PAM: variants seen among roughly 807,000 people sequenced by gnomAD.
The protein encoded by PAM is peptidylglycine alpha-amidating monooxygenase, also known as peptidyl-glycine alpha-amidating monooxygenase.
Under a neutral mutation model 122.1 loss-of-function variants are expected in PAM, and 72 were observed. That is an observed-to-expected ratio of 0.59 (90% confidence interval 0.49 to 0.72). PAM has a LOEUF of 0.72. Among genes scored for constraint, PAM ranks in the 30% least tolerant of loss-of-function variants. The pLI is 0.00. For missense variants in PAM, 1,106 were observed against 1,183.7 expected (o/e 0.93, Z 0.96); for synonymous variants, 389 against 404.4 (o/e 0.96, Z 0.46).
intron 20 of PAM, 69 bp downstream of exon 20, chr5:103,007,726 T>G (rs1456788933): frequency 1.1e-6 from 1 of 946,092 alleles, no homozygotes; most frequent in Non-Finnish European, 1.6e-6. Context: ...TGTGTTATCT[T>G]AATGTGCTCT....
At chr5:102,937,291 T>A (rs1447133849) in intron 7 of PAM, among the ~76,000 whole-genome samples, 1 of 152,186 alleles carries the variant, frequency 6.6e-6, no homozygotes, top group African/African-American at 2.4e-5. Flanking sequence ...TTCCTTCATT[T>A]TTTTACATTT....
chr5:102,947,321 A>G (rs1757378395), intron 8 of PAM, among the ~76,000 whole-genome samples: 1 of 152,210 alleles, frequency 6.6e-6, no homozygotes, highest in Non-Finnish European at 1.5e-5. Context: ...GCATGCATGC[A>G]AGATGGAAGC....
chr5:102,952,522 T>C (rs1200680854), intron 12 of PAM, among the ~76,000 whole-genome samples: 1 of 152,186 alleles, frequency 6.6e-6, no homozygotes, highest in South Asian at 2.1e-4. Context: ...AATTAACTTA[T>C]TGGGTGAGTC....
intron 12 of PAM, among the ~76,000 whole-genome samples, chr5:102,953,171 A>G (rs1465522582): frequency 1.3e-5 from 2 of 152,204 alleles, no homozygotes; most frequent in African/African-American, 4.8e-5. Context: ...TTGGAACTGG[A>G]GAAAACTTTG....
At chr5:102,926,163 C>T (rs1282994502) in intron 6 of PAM, among the ~76,000 whole-genome samples, 2 of 151,972 alleles carry the variant, frequency 1.3e-5, no homozygotes, top group South Asian at 2.1e-4. Flanking sequence ...GGCGCAATCT[C>T]GGCTCACTGC....
intron 12 of PAM, 25 bp downstream of exon 12, chr5:102,950,845 T>G (rs1582079987): frequency 1.5e-6 from 2 of 1,312,666 alleles, no homozygotes; most frequent in East Asian, 4.6e-5. Flanking sequence ...ATTCCACTAT[T>G]TAAAGATATT....
At position 102,926,580 on chromosome 5, in the gene PAM, T is replaced by C. The variant is rs112626709; in HGVS notation, c.443-5T>C. 1,279 of 1,543,322 alleles carry C rather than the reference T, an allele frequency of 8.3e-4. 10 individuals are homozygous for C. In the African/African-American group the frequency reaches 0.015, roughly 18 times the overall value. On this transcript the variant is annotated splice_region_variant and splice_polypyrimidine_tract_variant and intron_variant, in intron 6 of 25. Coordinates refer to ENST00000438793, the MANE Select transcript of PAM (RefSeq NM_001177306.2). ...TAATATATTAACTTTTTTGTAAATC[T>C]TTAGGTGTTGGATTCAGAGTTGGAG...
intron 1 of PAM, chr5:102,838,251 T>A (rs187930354): frequency 6.6e-6 from 1 of 152,278 alleles, no homozygotes; most frequent in Non-Finnish European, 1.5e-5. Context: ...GATTTCATCA[T>A]TTTTAATAAT....
At chr5:102,939,310 A>G (rs1754307070) in intron 7 of PAM, among the ~76,000 whole-genome samples, 3 of 152,088 alleles carry the variant, frequency 2.0e-5, no homozygotes, top group Middle Eastern at 3.4e-3. Flanking sequence ...ATCTTTAAAA[A>G]CTTTCAAAAC....
intron 2 of PAM, 93 bp from the exon 3 acceptor site, chr5:102,867,180 C>A: frequency 2.4e-6 from 2 of 832,278 alleles, no homozygotes; most frequent in Non-Finnish European, 4.0e-6. Context: ...AATCAATCAT[C>A]TTTAAGGTCA....
intron 1 of PAM, among the ~76,000 whole-genome samples, chr5:102,784,282 C>T (rs1233371208): frequency 6.6e-6 from 1 of 152,172 alleles, no homozygotes; most frequent in African/African-American, 2.4e-5. Flanking sequence ...GCCTTTCTGT[C>T]CCTAGCACAC....
chr5:102,864,185 T>TA (rs34828967), intron 1 of PAM, among the ~76,000 whole-genome samples: 7,617 of 114,578 alleles, frequency 0.066, 288 homozygotes, highest in African/African-American at 0.17. Context: ...TATATATATA[T>TA]TTTTTTTTTT....
rs566714990 is a variant in PAM, at chr5:102,926,748, T to A, written c.526+80T>A. 194 of 750,754 alleles carry A rather than the reference T, an allele frequency of 2.6e-4. No individual in the cohort carries two copies. The African/African-American group carries it at 3.1e-3, about 12-fold the overall frequency. The allele number at this position is 750,754 out of a possible 1,614,324, so 46.5% of individuals were successfully genotyped here. On this transcript the variant is annotated intron_variant, in intron 7 of 25. Coordinates refer to ENST00000438793, the MANE Select transcript of PAM (RefSeq NM_001177306.2). ...ATACATGCACAAACTATTATCTACATCTTAAAAAGAATTGCCCACACCCTC... is the reference window on the plus strand; with the variant it reads ...ATACATGCACAAACTATTATCTACAACTTAAAAAGAATTGCCCACACCCTC...
At chr5:102,931,573 G>A (rs1420189937) in intron 7 of PAM, among the ~76,000 whole-genome samples, 1 of 152,064 alleles carries the variant, frequency 6.6e-6, no homozygotes, top group Non-Finnish European at 1.5e-5. Flanking sequence ...TAGAATTTCT[G>A]GCATTAGCTT....
intron 12 of PAM, among the ~76,000 whole-genome samples, chr5:102,954,902 G>A (rs973819831): frequency 6.6e-6 from 1 of 151,942 alleles, no homozygotes; most frequent in Non-Finnish European, 1.5e-5. Flanking sequence ...AAATATGAAT[G>A]TTCATGGATA....
chr5:102,968,340 C>T (rs74632298), intron 14 of PAM, among the ~76,000 whole-genome samples: 1,591 of 152,186 alleles, frequency 0.01, 34 homozygotes, highest in African/African-American at 0.037. Flanking sequence ...TCATTCTGAC[C>T]GTCTCCTTCA....
At position 103,016,105 on chromosome 5, in the gene PAM, G is replaced by A. The variant is rs967112847; in HGVS notation, c.2332-1229G>A. ...GACAAGCCCGCAGGATTTCAGCAAG[G>A]CAGCATTTTGATTTCTGGCTCTGTG... On this transcript the variant is annotated intron_variant, in intron 21 of 25. Transcript: ENST00000438793. Among the ~76,000 whole-genome samples the A allele has an allele frequency of 2.6e-5, 4 of 152,220 alleles. No homozygotes were observed. The South Asian group carries it at 6.2e-4, about 24-fold the overall frequency.
chr5:102,919,493 T>C (rs986106146), intron 5 of PAM, among the ~76,000 whole-genome samples: 1 of 152,108 alleles, frequency 6.6e-6, no homozygotes, highest in Non-Finnish European at 1.5e-5. Flanking sequence ...GTGTGTCTTC[T>C]GCAATCCTCT....
intron 3 of PAM, among the ~76,000 whole-genome samples, chr5:102,888,761 GA>G (rs1385687972): frequency 6.6e-6 from 1 of 151,902 alleles, no homozygotes; most frequent in African/African-American, 2.4e-5. Flanking sequence ...CTCTGATGCT[GA>G]GAGAAGTCTT....
Sources: allele counts gnomAD v4.1 joint callset (sites outside exome capture counted in the v4.1 genomes callset), GRCh38; gene constraint gnomAD v4.1.1; transcripts MANE v1.5; gene names NCBI Gene and HGNC (gene_info 2026-07-23, HGNC 2026-07-21).